CFAP54: variants seen among roughly 807,000 people sequenced by gnomAD.
The protein encoded by CFAP54 is cilia and flagella associated protein 54.
CFAP54 carries 290 observed loss-of-function variants against 370.4 expected under a neutral mutation model. That is an observed-to-expected ratio of 0.78 (90% CI 0.71 to 0.86). The LOEUF is 0.86. CFAP54 is among the 40% of genes least tolerant of loss of function. The probability of loss-of-function intolerance (pLI) is 0.00; values close to 1 mark genes in which losing one functional copy is unlikely to be tolerated. For missense variants in CFAP54, 3,399 were observed against 3,528.7 expected (o/e 0.96, Z 0.93); for synonymous variants, 1,206 against 1,236.5 (o/e 0.98, Z 0.52).
rs1342375539 is a variant in CFAP54, at chr12:96,554,745, C to A, written c.2353C>A (p.Leu785Ile). The A allele has an allele frequency of 1.3e-6, 2 of 1,535,122 alleles. No homozygotes were observed. The highest frequency in any genetic ancestry group is 3.9e-5 in the Admixed American group (2 of 50,950). Residue 785 changes from leucine (L) to isoleucine (I), a missense_variant, in exon 17 of 68, where the codon CTT becomes ATT. By Grantham distance (5) the Leu-to-Ile change is conservative. Transcript: ENST00000524981. ...ASNSFMMDLH[L>I]ELIQAQHRIA... ...AAATAGTTTCATGATGGATTTGCAT[C>A]TTGAACTAATTCAAGCTCAGCATCG...
Position 96,648,034 on chromosome 12 carries a change from A to C in CFAP54, c.4690+17A>C. On this transcript the variant is annotated intron_variant, in intron 34 of 67. Coordinates refer to ENST00000524981, the MANE Select transcript of CFAP54 (RefSeq NM_001306084.2). ...TACCATCAGGTAAAATAAACATGTT[A>C]GTTTATTATTAAATTACCTCTAGAT... is the stretch of plus-strand genomic sequence containing the variant. 6.8e-7 allele frequency: 1 copy of C among 1,478,992 alleles called. No homozygotes were observed. The highest frequency in any genetic ancestry group is 8.9e-7 in the Non-Finnish European group (1 of 1,122,094). 91.6% of individuals were successfully genotyped at this position (1,478,992 alleles called of 1,614,324 possible).
intron 8 of CFAP54, among the ~76,000 whole-genome samples, chr12:96,525,113 C>G (rs559072246): frequency 1.3e-5 from 2 of 151,922 alleles, no homozygotes; most frequent in Non-Finnish European, 2.9e-5. Context: ...CTTGCAAGTA[C>G]GAATTTTATC....
intron 67 of CFAP54, among the ~76,000 whole-genome samples, chr12:96,874,868 C>G (rs1281650675): frequency 6.6e-6 from 1 of 151,662 alleles, no homozygotes; most frequent in Non-Finnish European, 1.5e-5. Flanking sequence ...CCGCCCGCCT[C>G]GGCCTCCCAA....
chr12:96,667,779 G>A (rs1411537090), intron 39 of CFAP54, among the ~76,000 whole-genome samples: 1 of 152,168 alleles, frequency 6.6e-6, no homozygotes, highest in Non-Finnish European at 1.5e-5. Context: ...AATTTCTGTA[G>A]CCTGCTTGAA....
chr12:96,557,673 C>T (rs1411471129), intron 17 of CFAP54, among the ~76,000 whole-genome samples: 1 of 151,852 alleles, frequency 6.6e-6, no homozygotes, highest in Non-Finnish European at 1.5e-5. Context: ...TTTTAAAAGA[C>T]TACATTCAGT....
intron 27 of CFAP54, among the ~76,000 whole-genome samples, chr12:96,622,302 T>G (rs988490504): frequency 6.6e-6 from 1 of 152,006 alleles, no homozygotes; most frequent in Non-Finnish European, 1.5e-5. Context: ...GAAATGTTAC[T>G]TAGTTCACTG....
At chr12:96,634,585 A>G (rs930951311) in intron 32 of CFAP54, among the ~76,000 whole-genome samples, 1 of 152,086 alleles carries the variant, frequency 6.6e-6, no homozygotes, top group Non-Finnish European at 1.5e-5. Flanking sequence ...GCAGAGCACA[A>G]TTTTTAAATC....
intron 3 of CFAP54, among the ~76,000 whole-genome samples, chr12:96,505,819 G>T (rs79502906): frequency 6.7e-6 from 1 of 149,430 alleles, no homozygotes; most frequent in African/African-American, 2.5e-5. Flanking sequence ...TTCAGTGACC[G>T]CAGCAGTCCC....
chr12:96,527,505 T>C, intron 9 of CFAP54, 61 bp downstream of exon 9: 6 of 1,146,800 alleles, frequency 5.2e-6, no homozygotes, highest in Non-Finnish European at 7.1e-6. Context: ...AACAAAAATT[T>C]TAACATGGTA....
intron 50 of CFAP54, among the ~76,000 whole-genome samples, chr12:96,726,008 G>T: frequency 6.9e-6 from 1 of 145,962 alleles, no homozygotes; most frequent in Admixed American, 7.0e-5. Context: ...AACCAGCCTT[G>T]CATCCCAGGG....
At chr12:96,821,873 TCCATAA>T (rs1959039606) in intron 65 of CFAP54, among the ~76,000 whole-genome samples, 2 of 152,168 alleles carry the variant, frequency 1.3e-5, no homozygotes, top group Non-Finnish European at 2.9e-5. Flanking sequence ...TTTCATAGCT[TCCATAA>T]TCTATTTATT....
intron 50 of CFAP54, among the ~76,000 whole-genome samples, chr12:96,728,943 T>TC (rs1957879980): frequency 6.6e-6 from 1 of 152,210 alleles, no homozygotes; most frequent in Admixed American, 6.5e-5. Flanking sequence ...AGAGGTCCAC[T>TC]CCAGACCCTG....
At chr12:96,650,145 A>G in intron 35 of CFAP54, 73 bp downstream of exon 35, 6 of 1,250,348 alleles carry the variant, frequency 4.8e-6, no homozygotes, top group South Asian at 1.5e-5. Context: ...TTTAAGATAC[A>G]TTGTGTTTAT....
intron 56 of CFAP54, among the ~76,000 whole-genome samples, chr12:96,754,140 C>G (rs992090): frequency 6.6e-6 from 1 of 151,922 alleles, no homozygotes; most frequent in Non-Finnish European, 1.5e-5. Context: ...GTAATTGATT[C>G]TTCTTACACA....
chr12:96,535,952 A>G (rs1043973134), intron 12 of CFAP54, among the ~76,000 whole-genome samples: 8 of 152,234 alleles, frequency 5.3e-5, no homozygotes, highest in African/African-American at 1.7e-4. Flanking sequence ...CACAATGGCC[A>G]GTATTTTAAA....
intron 63 of CFAP54, among the ~76,000 whole-genome samples, chr12:96,809,773 C>G (rs1364629446): frequency 6.6e-6 from 1 of 152,118 alleles, no homozygotes; most frequent in Non-Finnish European, 1.5e-5. Context: ...AGTAGTTTCA[C>G]TGGAGGATGA....
chr12:96,739,210 A>G (rs1958020926), intron 50 of CFAP54, among the ~76,000 whole-genome samples: 5 of 152,182 alleles, frequency 3.3e-5, no homozygotes, highest in Admixed American at 3.3e-4. Context: ...CTTCAGGCAT[A>G]CAGGTTGTTC....
In CFAP54 at chr12:96,786,926, T is replaced by C. The variant is rs1317678272; in HGVS notation, c.8679+28T>C. 4 of 1,411,676 alleles carry C rather than the reference T, an allele frequency of 2.8e-6. No homozygotes were observed. In the South Asian group the frequency reaches 3.9e-5, roughly 14 times the overall value. The allele number at this position is 1,411,676 out of a possible 1,614,324, so 87.4% of individuals were successfully genotyped here. On this transcript the variant is annotated intron_variant, in intron 62 of 67. Coordinates refer to ENST00000524981, the MANE Select transcript of CFAP54 (RefSeq NM_001306084.2). ...AACGTTTTTTGAAACATGATATATT[T>C]ACATAAAACTTCTTGGAATCATCAT... is the stretch of plus-strand genomic sequence containing the variant.
At chr12:96,733,649 AC>A (rs1158549955) in intron 50 of CFAP54, among the ~76,000 whole-genome samples, 1 of 151,792 alleles carries the variant, frequency 6.6e-6, no homozygotes, top group African/African-American at 2.4e-5. Context: ...TCAGACTGAA[AC>A]TTTCTTCTTT....
Sources: gnomAD v4.1 joint callset for allele counts (sites outside exome capture counted in the v4.1 genomes callset) on GRCh38, gnomAD v4.1.1 for gene constraint, MANE v1.5 for transcripts, NCBI Gene and HGNC (gene_info 2026-07-23, HGNC 2026-07-21) for gene names.